The following SGCZ variants were observed in gnomAD, a reference collection of about 807,000 sequenced individuals.
SGCZ encodes zeta-sarcoglycan.
SGCZ carries 40 observed loss-of-function variants against 41.3 expected under a neutral mutation model. That is an observed-to-expected ratio of 0.97 (90% CI 0.75 to 1.26). SGCZ has a LOEUF of 1.26. SGCZ is among the 50% of genes most tolerant of loss of function. The pLI is 0.00. For synonymous variants in SGCZ, 206 were observed against 137.5 expected (o/e 1.50, Z -3.49); for missense variants, 552 against 369.8 (o/e 1.49, Z -4.04).
At chr8:14,522,123 T>C (rs1563383711) in intron 2 of SGCZ, among the ~76,000 whole-genome samples, 1 of 152,102 alleles carries the variant, frequency 6.6e-6, no homozygotes, top group Non-Finnish European at 1.5e-5. Flanking sequence ...CCTTAGTTGC[T>C]CATGGTGCAT....
At chr8:14,420,147 C>G (rs761721386) in intron 2 of SGCZ, among the ~76,000 whole-genome samples, 16 of 151,884 alleles carry the variant, frequency 1.1e-4, no homozygotes, top group African/African-American at 1.7e-4. Flanking sequence ...TGATTCTTGT[C>G]CTATAATAAT....
chr8:14,982,995 G>A (rs1243977361), intron 1 of SGCZ, among the ~76,000 whole-genome samples: 1 of 152,144 alleles, frequency 6.6e-6, no homozygotes, highest in African/African-American at 2.4e-5. Flanking sequence ...ATTTGGCCTG[G>A]AGTAAGTCAT....
intron 1 of SGCZ, among the ~76,000 whole-genome samples, chr8:15,217,628 G>A (rs923821249): frequency 7.9e-5 from 12 of 152,066 alleles, no homozygotes; most frequent in African/African-American, 2.2e-4. Context: ...CGAGACTGGC[G>A]TGCCTTTTCT....
chr8:14,658,369 G>A (rs1009384987), intron 1 of SGCZ, among the ~76,000 whole-genome samples: 1 of 152,132 alleles, frequency 6.6e-6, no homozygotes, highest in African/African-American at 2.4e-5. Flanking sequence ...CCCTTTCATA[G>A]TTTTTTCAGC....
chr8:14,950,673 G>A (rs1051920931), intron 1 of SGCZ, among the ~76,000 whole-genome samples: 3 of 151,910 alleles, frequency 2.0e-5, no homozygotes, highest in African/African-American at 7.2e-5. Context: ...AGAAATACAG[G>A]CACTCATGTA....
At chr8:14,245,781 G>C (rs1799065336) in intron 3 of SGCZ, among the ~76,000 whole-genome samples, 1 of 152,130 alleles carries the variant, frequency 6.6e-6, no homozygotes, top group Non-Finnish European at 1.5e-5. Flanking sequence ...CAAAAAGTGG[G>C]TGAAGGACAT....
chr8:14,567,532 G>A (rs1298178216), intron 1 of SGCZ, among the ~76,000 whole-genome samples: 1 of 152,050 alleles, frequency 6.6e-6, no homozygotes, highest in Admixed American at 6.5e-5. Context: ...CAAACCAATC[G>A]GCTCTCTGTA....
Position 15,042,144 on chromosome 8 carries a change from T to C in SGCZ, c.39+195441A>G, listed in dbSNP as rs113963742. 6.0e-3 allele frequency among the ~76,000 whole-genome samples: 908 copies of C among 152,300 alleles called. 9 individuals are homozygous for C. Among genetic ancestry groups the C allele is most frequent in the African/African-American group, 0.021 (873 of 41,566 alleles). ...TGTCTTTACCAGCACATTCTGGCTC[T>C]GAGTTAGGATGATGAGAAACTTTCT... On this transcript the variant is annotated intron_variant, in intron 1 of 7. Transcript: ENST00000382080.
chr8:15,032,153 G>A (rs1045188331), intron 1 of SGCZ, among the ~76,000 whole-genome samples: 4 of 152,114 alleles, frequency 2.6e-5, no homozygotes, highest in Admixed American at 1.3e-4. Context: ...ACATCAGTGA[G>A]ATGGTGGACT....
intron 2 of SGCZ, among the ~76,000 whole-genome samples, chr8:14,444,233 C>A (rs1364849190): frequency 2.6e-5 from 4 of 152,092 alleles, no homozygotes; most frequent in African/African-American, 9.7e-5. Context: ...ACTAGTTCAA[C>A]CATTGTGGAA....
chr8:14,409,486 C>T (rs932027965), intron 2 of SGCZ, among the ~76,000 whole-genome samples: 28 of 151,968 alleles, frequency 1.8e-4, no homozygotes, highest in African/African-American at 6.5e-4. Flanking sequence ...AAAAAAAAAT[C>T]AGAATATTCA....
chr8:14,135,390 T>C (rs1803164751), intron 5 of SGCZ, among the ~76,000 whole-genome samples: 1 of 152,184 alleles, frequency 6.6e-6, no homozygotes, highest in South Asian at 2.1e-4. Context: ...ATGCCTAACT[T>C]GTTTCTAAGG....
At chr8:14,791,597 AT>A (rs1261286714) in intron 1 of SGCZ, among the ~76,000 whole-genome samples, 5 of 152,294 alleles carry the variant, frequency 3.3e-5, no homozygotes, top group Admixed American at 6.5e-5. Context: ...CCCATCCCCA[AT>A]TTTTACATTA....
At chr8:15,222,472 C>T (rs938959521) in intron 1 of SGCZ, among the ~76,000 whole-genome samples, 3 of 152,072 alleles carry the variant, frequency 2.0e-5, no homozygotes, top group Admixed American at 6.6e-5. Context: ...GAAGGACCTG[C>T]TTGGCTAGCA....
intron 1 of SGCZ, among the ~76,000 whole-genome samples, chr8:14,923,666 G>T (rs1028607436): frequency 3.9e-5 from 6 of 152,190 alleles, no homozygotes; most frequent in Admixed American, 6.5e-5. Flanking sequence ...ACATAAAGTT[G>T]CATGGAATTT....
At chr8:14,877,215 G>A (rs1047839075) in intron 1 of SGCZ, among the ~76,000 whole-genome samples, 27 of 152,070 alleles carry the variant, frequency 1.8e-4, no homozygotes, top group Admixed American at 7.2e-4. Context: ...ATCATGATCC[G>A]CCAGCCTTAG....
At chr8:14,600,848 C>T (rs1218320199) in intron 1 of SGCZ, among the ~76,000 whole-genome samples, 1 of 151,116 alleles carries the variant, frequency 6.6e-6, no homozygotes. Context: ...AATAGTAGAA[C>T]CCACCACTTT....
intron 1 of SGCZ, among the ~76,000 whole-genome samples, chr8:15,024,867 C>T (rs1198992284): frequency 6.6e-6 from 1 of 151,926 alleles, no homozygotes. Context: ...ACCCCGGAGG[C>T]GGAGCTTGCA....
chr8:14,961,664 C>T (rs1156965326), intron 1 of SGCZ, among the ~76,000 whole-genome samples: 2 of 152,064 alleles, frequency 1.3e-5, no homozygotes, highest in African/African-American at 4.8e-5. Context: ...GCAGTTTCAG[C>T]CATCTACTAG....
Sources: allele counts gnomAD v4.1 joint callset (sites outside exome capture counted in the v4.1 genomes callset), GRCh38; gene constraint gnomAD v4.1.1; transcripts MANE v1.5; gene names NCBI Gene and HGNC (gene_info 2026-07-23, HGNC 2026-07-21).